Variants in KLC1 observed in about 807,000 individuals in gnomAD.
KLC1 encodes the protein kinesin 2 60/70kDa.
A neutral mutation model predicts 84.2 loss-of-function variants in KLC1; 30 were observed. That is an observed-to-expected ratio of 0.36 (90% CI 0.27 to 0.48). The LOEUF (loss-of-function observed/expected upper bound fraction) is 0.48, where lower values mean the gene tolerates loss of function less well. Among genes scored for constraint, KLC1 ranks in the 20% least tolerant of loss-of-function variants. The pLI is 0.99. For missense variants in KLC1, 499 were observed against 805.4 expected, an observed-to-expected ratio of 0.62 and a Z score of 4.60; for synonymous variants, 289 against 293.3, an observed-to-expected ratio of 0.99 and a Z score of 0.15.
rs1263562935 is a variant in KLC1, at chr14:103,662,692, C to T, written c.572-10C>T. On this transcript the variant is annotated splice_polypyrimidine_tract_variant and intron_variant, in intron 4 of 16. Transcript: ENST00000334553. The stretch of plus-strand genomic sequence containing the variant: ...TAAAAACCCATCTGAAGTGAACTTT[C>T]TCGGTGCAGTCCAGCAGCAGCACAG... 8.4e-6 allele frequency: 13 copies of T among 1,544,584 alleles called. No homozygotes were observed. Among genetic ancestry groups the T allele is most frequent in the African/African-American group, 1.4e-5 (1 of 71,630 alleles).
At chr14:103,664,004 A>G (rs2079529758) in intron 5 of KLC1, among the ~76,000 whole-genome samples, 1 of 152,304 alleles carries the variant, frequency 6.6e-6, no homozygotes, top group East Asian at 1.9e-4. Context: ...TGTTATAACA[A>G]CACTATTTAA....
chr14:103,696,092 G>GCC lies in KLC1; in HGVS notation c.1848+3671_1848+3672dup, dbSNP rs746987341. 52 of 762,918 alleles carry GCC rather than the reference G, an allele frequency of 6.8e-5. No homozygotes were observed. In the African/African-American group the frequency reaches 7.9e-4, roughly 12 times the overall value. The allele number at this position is 762,918 out of a possible 1,614,324, so 47.3% of individuals were successfully genotyped here. A position where few individuals can be genotyped will look rare whatever the true frequency, so the allele number is the denominator to read the frequency against. The stretch of plus-strand genomic sequence containing the variant: ...GAGTTGCTGTCAAAATAATCACTGC[G>GCC]CCCCCGCCCCCCGCCCCCCCCCACA... On this transcript the variant is annotated intron_variant, in intron 15 of 16. Coordinates refer to ENST00000334553, the MANE Select transcript of KLC1 (RefSeq NM_001394837.1).
At chr14:103,649,535 C>G (rs1244448621) in intron 1 of KLC1, among the ~76,000 whole-genome samples, 1 of 142,820 alleles carries the variant, frequency 7.0e-6, no homozygotes, top group Non-Finnish European at 1.5e-5. Context: ...TTTAGACCAG[C>G]CTGGGCAACA....
intron 13 of KLC1, chr14:103,685,554 T>C (rs1227971339): frequency 1.6e-6 from 2 of 1,288,974 alleles, no homozygotes; most frequent in South Asian, 1.2e-5. Context: ...CTAGAAATAC[T>C]GTAAGCCAGG....
intron 9 of KLC1, among the ~76,000 whole-genome samples, chr14:103,674,304 A>C (rs2080689902): frequency 6.6e-6 from 1 of 152,010 alleles, no homozygotes; most frequent in Non-Finnish European, 1.5e-5. Flanking sequence ...TTTCATAAAC[A>C]TTACTTTTAA....
At chr14:103,657,347 A>G (rs1477206745) in intron 2 of KLC1, among the ~76,000 whole-genome samples, 199 bp from the exon 3 acceptor site, 4 of 152,078 alleles carry the variant, frequency 2.6e-5, no homozygotes, top group African/African-American at 9.7e-5. Flanking sequence ...TGAGCGTGTG[A>G]TATTCTTTAT....
rs1232301795 is a variant in KLC1 at position 103,654,453 on chromosome 14, A to G, written c.-1-111A>G. 5.1e-6 allele frequency: 4 copies of G among 776,722 alleles called. No homozygotes were observed. The East Asian group carries it at 8.4e-5, about 16-fold the overall frequency. The allele number at this position is 776,722 out of a possible 1,614,324, so 48.1% of individuals were successfully genotyped here. On this transcript the variant is annotated intron_variant, in intron 1 of 16. Transcript: ENST00000334553. ...AAGGTCATAAATTACAAATGTGCAT[A>G]TTTATTATTCCCCTATAAAATGTTA...
At chr14:103,657,263 A>G (rs1342541887) in intron 2 of KLC1, among the ~76,000 whole-genome samples, 1 of 152,184 alleles carries the variant, frequency 6.6e-6, no homozygotes, top group East Asian at 1.9e-4. Flanking sequence ...TTTCATCAGA[A>G]GGGTAGCTGT....
At chr14:103,663,008 T>A (rs773622751) in intron 5 of KLC1, 81 bp downstream of exon 5, 24 of 929,078 alleles carry the variant, frequency 2.6e-5, no homozygotes, top group Non-Finnish European at 3.8e-5. Context: ...TATATTTTTA[T>A]GTATCTGTAT....
intron 3 of KLC1, among the ~76,000 whole-genome samples, chr14:103,659,560 T>C (rs1595396792): frequency 6.6e-6 from 1 of 152,340 alleles, no homozygotes; most frequent in South Asian, 2.1e-4. Context: ...CTCTTTTCTG[T>C]GCTAGGACCT....
chr14:103,683,420 T>A (rs2081530396), intron 13 of KLC1: 1 of 152,216 alleles, frequency 6.6e-6, no homozygotes, highest in South Asian at 2.1e-4. Flanking sequence ...CTCACGGTCT[T>A]GCCTCTGAAA....
chr14:103,637,792 G>A (rs934028378), intron 1 of KLC1, among the ~76,000 whole-genome samples: 2 of 152,092 alleles, frequency 1.3e-5, no homozygotes, highest in South Asian at 2.1e-4. Flanking sequence ...GTGCAGCCTC[G>A]TGTTCAAGTG....
chr14:103,668,328 T>G (rs1043508594), intron 5 of KLC1, among the ~76,000 whole-genome samples: 1 of 152,226 alleles, frequency 6.6e-6, no homozygotes, highest in Admixed American at 6.5e-5. Flanking sequence ...CACTGTAGTG[T>G]GGGGACATTA....
chr14:103,630,917 C>T (rs2076623190), intron 1 of KLC1, among the ~76,000 whole-genome samples: 1 of 152,172 alleles, frequency 6.6e-6, no homozygotes, highest in African/African-American at 2.4e-5. Context: ...GTGGTAACCT[C>T]TAACCCTACT....
Position 103,669,612 on chromosome 14 carries a change from G to A in KLC1, c.885+14G>A. ...GATCATCCTGCGGTTTGTATATCCA[G>A]TTCTTTCATTCTTTTAATATTTTAT... On this transcript the variant is annotated intron_variant, in intron 6 of 16. Coordinates refer to ENST00000334553, the MANE Select transcript of KLC1 (RefSeq NM_001394837.1). 3 of 1,503,078 alleles carry A rather than the reference G, an allele frequency of 2.0e-6. No individual in the cohort carries two copies. The highest frequency in any genetic ancestry group is 2.3e-5 in the South Asian group (2 of 87,424). The allele number at this position is 1,503,078 out of a possible 1,614,324, so 93.1% of individuals were successfully genotyped here. A position where few individuals can be genotyped will look rare whatever the true frequency, so the allele number is the denominator to read the frequency against.
chr14:103,654,156 C>T (rs2078674995), intron 1 of KLC1, among the ~76,000 whole-genome samples: 1 of 152,172 alleles, frequency 6.6e-6, no homozygotes, highest in Non-Finnish European at 1.5e-5. Context: ...TGTGTGACTC[C>T]TTTTCAAGCC....
At chr14:103,696,794 TGAGG>T (rs1235903402) in intron 15 of KLC1, 1 of 985,382 alleles carries the variant, frequency 1.0e-6, no homozygotes, top group African/African-American at 1.7e-5. Flanking sequence ...GCGTGGTCCC[TGAGG>T]GAGGGTCTTC....
At chr14:103,659,383 T>C (rs2079102362) in intron 3 of KLC1, among the ~76,000 whole-genome samples, 1 of 152,254 alleles carries the variant, frequency 6.6e-6, no homozygotes, top group African/African-American at 2.4e-5. Flanking sequence ...TTTAAATTGA[T>C]TGAAAAGTTG....
intron 1 of KLC1, among the ~76,000 whole-genome samples, chr14:103,651,199 C>T (rs867910107): frequency 6.6e-6 from 1 of 150,624 alleles, no homozygotes; most frequent in Non-Finnish European, 1.5e-5. Context: ...TTAGTAGAAA[C>T]GGGTTTCACC....
Sources: gnomAD v4.1 joint callset for allele counts (sites outside exome capture counted in the v4.1 genomes callset) on GRCh38, gnomAD v4.1.1 for gene constraint, MANE v1.5 for transcripts, NCBI Gene and HGNC (gene_info 2026-07-23, HGNC 2026-07-21) for gene names.